TMF1: variants seen among roughly 807,000 people sequenced by gnomAD.
TMF1 encodes TATA element modulatory factor 1, also known as TATA element modulatory factor.
A neutral mutation model predicts 126.5 loss-of-function variants in TMF1; 71 were observed. The observed-to-expected ratio is 0.56, with a 90% CI of 0.46 to 0.68. The LOEUF is 0.68. Ranked by LOEUF, TMF1 falls within the 30% of genes least tolerant of loss-of-function variation. The pLI is 0.00. For synonymous variants in TMF1, 461 were observed against 430.5 expected, an observed-to-expected ratio of 1.07 and a Z score of -0.88; for missense variants, 1,259 against 1,253.2, an observed-to-expected ratio of 1.00 and a Z score of -0.07.
chr3:69,027,693 A>C (rs1173553899), intron 13 of TMF1, among the ~76,000 whole-genome samples: 1 of 152,128 alleles, frequency 6.6e-6, no homozygotes, highest in Non-Finnish European at 1.5e-5. Flanking sequence ...AAAAAAAAAA[A>C]AAATCATGAA....
At chr3:69,035,774 A>T (rs922190969) in intron 8 of TMF1, among the ~76,000 whole-genome samples, 2 of 152,146 alleles carry the variant, frequency 1.3e-5, no homozygotes, top group Admixed American at 1.3e-4. Flanking sequence ...TGTAAAAAAA[A>T]TTTCTAATAT....
intron 10 of TMF1, chr3:69,030,775 G>C (rs747839610): frequency 1.3e-5 from 2 of 152,108 alleles, no homozygotes; most frequent in Non-Finnish European, 2.9e-5. Context: ...AGAAAAAACA[G>C]GGACGACATA....
intron 13 of TMF1, 84 bp from the exon 14 acceptor site, chr3:69,026,181 G>C: frequency 1.2e-6 from 1 of 841,140 alleles, no homozygotes; most frequent in Non-Finnish European, 1.9e-6. Flanking sequence ...GGGTTAATGA[G>C]AACAAAGATT....
chr3:69,023,930 G>A (rs747513745), intron 16 of TMF1, 125 bp downstream of exon 16: 64 of 868,194 alleles, frequency 7.4e-5, no homozygotes, highest in Admixed American at 1.6e-4. Context: ...AAACTTCTTT[G>A]CTCAAATATT....
chr3:69,037,774 C>A (rs1246404863), intron 8 of TMF1, among the ~76,000 whole-genome samples: 1 of 151,926 alleles, frequency 6.6e-6, no homozygotes, highest in African/African-American at 2.4e-5. Flanking sequence ...CCACTGTGCT[C>A]CAGTCTGGCA....
rs1348900638 is a variant in TMF1, at chr3:69,025,563, T to C, written c.3009A>G (p.Leu1003=). ...GCAAATTTAATTTTTCCAATACCTG[T>C]AAATGAGTGATTTCCCCTTCCCTTA... ...LKLREGEITH[L]QLEIGNLEKT... The change falls in exon 15 of 17, where the codon TTA becomes TTG. Residue 1003 remains leucine, a synonymous_variant. Coordinates refer to ENST00000398559, the MANE Select transcript of TMF1 (RefSeq NM_007114.3). 6.2e-7 allele frequency: 1 copy of C among 1,611,900 alleles called. No individual in the cohort carries two copies. Among genetic ancestry groups the C allele is most frequent in the Admixed American group, 1.7e-5 (1 of 59,460 alleles).
chr3:69,020,689 A>C lies in TMF1; in HGVS notation c.*2488T>G, dbSNP rs1007240956. 3.3e-5 allele frequency: 5 copies of C among 152,106 alleles called. No individual in the cohort carries two copies. The highest frequency in any genetic ancestry group is 1.2e-4 in the African/African-American group (5 of 41,424). 9.4% of individuals were successfully genotyped at this position (152,106 alleles called of 1,614,324 possible). On this transcript the variant is annotated 3_prime_UTR_variant, in exon 17 of 17. Transcript: ENST00000398559. ...AAACTGTTTAAGTTCACTTTAACTTACAGAAGTATTGAGAGATCCAAGTGT... is the reference window on the plus strand; with the variant it reads ...AAACTGTTTAAGTTCACTTTAACTTCCAGAAGTATTGAGAGATCCAAGTGT...
intron 13 of TMF1, 105 bp downstream of exon 13, chr3:69,027,795 T>G: frequency 1.7e-6 from 1 of 587,890 alleles, no homozygotes; most frequent in Non-Finnish European, 2.9e-6. Context: ...GGGCCACAGG[T>G]TGGACAAGCT....
At chr3:69,051,480 C>T (rs575491960) in intron 1 of TMF1, among the ~76,000 whole-genome samples, 1 of 152,240 alleles carries the variant, frequency 6.6e-6, no homozygotes, top group South Asian at 2.1e-4. Flanking sequence ...GTCTCAACAA[C>T]AACATAAAAC....
rs1437150792 is a variant in TMF1, at chr3:69,048,541, C to A, written c.164G>T (p.Gly55Val). ...GEPGISSPVSGGWDTSTWGLK... is the reference protein window; with the variant it reads ...GEPGISSPVSVGWDTSTWGLK... The stretch of plus-strand genomic sequence containing the variant: ...CCCCCAGGTTGAAGTATCCCATCCT[C>A]CACTGACAGGGGAACTTATTCCTTT... The change falls in exon 2 of 17, where the codon GGA (glycine) becomes GTA (valine). Residue 55 changes from glycine to valine, a missense_variant. Gly to Val is a moderately radical substitution (Grantham distance 109). Coordinates refer to ENST00000398559, the MANE Select transcript of TMF1 (RefSeq NM_007114.3). 4.4e-6 allele frequency: 7 copies of A among 1,600,480 alleles called. No individual in the cohort carries two copies. Among genetic ancestry groups the A allele is most frequent in the Admixed American group, 1.7e-5 (1 of 57,564 alleles).
chr3:69,049,483 A>T (rs746407861), intron 1 of TMF1, among the ~76,000 whole-genome samples: 72 of 152,152 alleles, frequency 4.7e-4, no homozygotes, highest in Admixed American at 1.3e-4. Flanking sequence ...GAACAAATTC[A>T]TTTTCATCCA....
At chr3:69,045,214 T>C (rs1307175369) in intron 2 of TMF1, among the ~76,000 whole-genome samples, 1 of 152,054 alleles carries the variant, frequency 6.6e-6, no homozygotes. Flanking sequence ...TCCCAGCACT[T>C]TGGGAGGCTG....
chr3:69,044,646 C>G (rs571657867), intron 2 of TMF1, 51 bp from the exon 3 acceptor site: 2 of 1,147,046 alleles, frequency 1.7e-6, no homozygotes, highest in Admixed American at 2.2e-5. Context: ...TAAAAAAGAC[C>G]ATTTTTACAT....
At chr3:69,033,794 A>G (rs1294275615) in intron 9 of TMF1, 90 bp from the exon 10 acceptor site, 1 of 1,187,642 alleles carries the variant, frequency 8.4e-7, no homozygotes, top group Non-Finnish European at 1.2e-6. Flanking sequence ...GGTTCCTGGA[A>G]AATTATTTTT....
intron 11 of TMF1, among the ~76,000 whole-genome samples, chr3:69,029,469 G>A (rs186135684): frequency 2.1e-4 from 31 of 148,206 alleles, no homozygotes; most frequent in Non-Finnish European, 3.6e-4. Flanking sequence ...TTTTGAGACC[G>A]AGTCTCACTC....
At chr3:69,040,701 C>G (rs2091859088) in intron 5 of TMF1, among the ~76,000 whole-genome samples, 1 of 152,142 alleles carries the variant, frequency 6.6e-6, no homozygotes, top group African/African-American at 2.4e-5. Context: ...GCAGGCGGAT[C>G]ACCAGAGGTC....
intron 2 of TMF1, among the ~76,000 whole-genome samples, chr3:69,046,176 T>C (rs1035094473): frequency 6.6e-6 from 1 of 152,216 alleles, no homozygotes; most frequent in African/African-American, 2.4e-5. Flanking sequence ...TAAATCTCCA[T>C]AATGTATCAG....
intron 5 of TMF1, among the ~76,000 whole-genome samples, chr3:69,041,919 C>T (rs1008991595): frequency 2.5e-4 from 38 of 152,104 alleles, no homozygotes; most frequent in African/African-American, 8.9e-4. Context: ...CACTTGACCA[C>T]GTTTTCCAAA....
chr3:69,032,262 A>C (rs2091807314), intron 10 of TMF1, among the ~76,000 whole-genome samples: 1 of 151,890 alleles, frequency 6.6e-6, no homozygotes, highest in African/African-American at 2.4e-5. Context: ...AATCTAGTTC[A>C]CCCCCCCGAT....
Sources: allele counts gnomAD v4.1 joint callset (sites outside exome capture counted in the v4.1 genomes callset), GRCh38; gene constraint gnomAD v4.1.1; transcripts MANE v1.5; gene names NCBI Gene and HGNC (gene_info 2026-07-23, HGNC 2026-07-21).